Variants in ZNF521 observed in about 807,000 individuals in gnomAD.
ZNF521 encodes LYST-interacting protein 3.
ZNF521 carries 14 observed loss-of-function variants against 105.5 expected under a neutral mutation model. The ratio of observed to expected loss-of-function variants is 0.13; its 90% CI spans 0.09 to 0.21. ZNF521 has a LOEUF of 0.21. Among genes scored for constraint, ZNF521 ranks in the 10% least tolerant of loss-of-function variants. The pLI is 1.00. For missense variants in ZNF521, 1,233 were observed against 1,629.7 expected, an observed-to-expected ratio of 0.76 and a Z score of 4.19; for synonymous variants, 635 against 606.0, an observed-to-expected ratio of 1.05 and a Z score of -0.70.
chr18:25,086,409 A>C (rs2033624124), intron 7 of ZNF521, among the ~76,000 whole-genome samples: 1 of 152,164 alleles, frequency 6.6e-6, no homozygotes, highest in Non-Finnish European at 1.5e-5. Flanking sequence ...TGAATGCCAA[A>C]AGTTAAAATA....
chr18:25,123,197 C>T (rs9955601), intron 5 of ZNF521, among the ~76,000 whole-genome samples: 13 of 151,604 alleles, frequency 8.6e-5, no homozygotes, highest in African/African-American at 3.2e-4. Context: ...GTAAGAGAAG[C>T]AAACACTGTT....
intron 3 of ZNF521, among the ~76,000 whole-genome samples, chr18:25,307,620 G>T (rs907006890): frequency 3.3e-5 from 5 of 152,102 alleles, no homozygotes; most frequent in Non-Finnish European, 7.4e-5. Context: ...CTACCTCCTG[G>T]TATTCACGCC....
intron 7 of ZNF521, chr18:25,082,691 A>T (rs950369903): frequency 2.4e-6 from 1 of 416,674 alleles, no homozygotes; most frequent in African/African-American, 2.1e-5. Flanking sequence ...ACACACAAAA[A>T]ATTAGCTGGG....
chr18:25,338,259 T>G (rs919677119), intron 2 of ZNF521, among the ~76,000 whole-genome samples: 5 of 136,596 alleles, frequency 3.7e-5, no homozygotes, highest in South Asian at 2.6e-4. Flanking sequence ...TCATAGACTT[T>G]TGTGTGTGTG....
intron 5 of ZNF521, among the ~76,000 whole-genome samples, chr18:25,164,560 G>A (rs931034205): frequency 2.0e-5 from 3 of 152,198 alleles, no homozygotes; most frequent in East Asian, 3.8e-4. Context: ...AACTGCATGC[G>A]GGTATAGCAA....
chr18:25,140,733 T>C (rs1361436187), intron 5 of ZNF521, among the ~76,000 whole-genome samples: 1 of 151,948 alleles, frequency 6.6e-6, no homozygotes, highest in African/African-American at 2.4e-5. Context: ...CAAGGGAAAA[T>C]GGGAGAGGGA....
intron 5 of ZNF521, among the ~76,000 whole-genome samples, chr18:25,140,163 C>T (rs1286431325): frequency 2.1e-4 from 32 of 152,186 alleles, no homozygotes; most frequent in Non-Finnish European, 1.3e-4. Context: ...TTTGCTTCAT[C>T]AAATCACAAA....
chr18:25,088,382 AT>A (rs796191980), intron 7 of ZNF521, among the ~76,000 whole-genome samples: 11 of 148,042 alleles, frequency 7.4e-5, no homozygotes, highest in East Asian at 2.0e-4. Flanking sequence ...TGCCTGGCTA[AT>A]TTTTTTTTTG....
intron 5 of ZNF521, among the ~76,000 whole-genome samples, chr18:25,138,822 G>T (rs1431725973): frequency 6.6e-6 from 1 of 152,114 alleles, no homozygotes; most frequent in Non-Finnish European, 1.5e-5. Flanking sequence ...TTGGTGGCAG[G>T]AGCCTGGCCT....
At chr18:25,326,085 T>G (rs771104069) in intron 2 of ZNF521, among the ~76,000 whole-genome samples, 1 of 152,188 alleles carries the variant, frequency 6.6e-6, no homozygotes, top group Non-Finnish European at 1.5e-5. Context: ...GAAATTCTAT[T>G]CTGTCCATGT....
Position 25,062,435 on chromosome 18 carries a change from TA to T in ZNF521, c.*276del. 2.8e-6 allele frequency: 1 copy of T among 358,834 alleles called. No homozygotes were observed. The allele number at this position is 358,834 out of a possible 1,614,324, so 22.2% of individuals were successfully genotyped here. ...TTTGGTCATAGTCTTTTTTTTTTTTTAATCTTGCCTGAATAGGGCCCAAGTC... is the reference window on the plus strand; with the variant it reads ...TTTGGTCATAGTCTTTTTTTTTTTTTATCTTGCCTGAATAGGGCCCAAGTC... On this transcript the variant is annotated 3_prime_UTR_variant, in exon 8 of 8. Coordinates refer to ENST00000361524, the MANE Select transcript of ZNF521 (RefSeq NM_015461.3).
At chr18:25,167,759 C>T (rs373460889) in intron 5 of ZNF521, among the ~76,000 whole-genome samples, 13 of 152,112 alleles carry the variant, frequency 8.5e-5, no homozygotes, top group South Asian at 4.2e-4. Context: ...GGCTTTGTGC[C>T]CCATCTGTCA....
intron 5 of ZNF521, among the ~76,000 whole-genome samples, chr18:25,185,995 A>G (rs1329561474): frequency 6.6e-6 from 1 of 152,236 alleles, no homozygotes; most frequent in African/African-American, 2.4e-5. Context: ...CATAAAATGA[A>G]CTGAAATAAT....
At chr18:25,313,038 C>T (rs1327225040) in intron 3 of ZNF521, among the ~76,000 whole-genome samples, 1 of 152,042 alleles carries the variant, frequency 6.6e-6, no homozygotes, top group Non-Finnish European at 1.5e-5. Context: ...CTCTGAAATA[C>T]AGGGTACATT....
At chr18:25,297,734 T>G (rs766216680) in intron 3 of ZNF521, among the ~76,000 whole-genome samples, 79 of 152,074 alleles carry the variant, frequency 5.2e-4, no homozygotes, top group Non-Finnish European at 9.3e-4. Flanking sequence ...TAGAAAGAAA[T>G]AAACAGTTTC....
Position 25,062,258 on chromosome 18 carries a change from T to C in ZNF521, c.*454A>G, listed in dbSNP as rs1050526514. 4 of 224,840 alleles carry C rather than the reference T, an allele frequency of 1.8e-5. No individual in the cohort carries two copies. The highest frequency in any genetic ancestry group is 3.5e-5 in the Non-Finnish European group (4 of 114,294). 13.9% of individuals were successfully genotyped at this position (224,840 alleles called of 1,614,324 possible). ...ATCTCTTCATGGTTTGCAAGAATCT[T>C]CAGCAATAAAAAATAGTCTTGGATT... On this transcript the variant is annotated 3_prime_UTR_variant, in exon 8 of 8. Coordinates refer to ENST00000361524, the MANE Select transcript of ZNF521 (RefSeq NM_015461.3).
chr18:25,264,861 G>A lies in ZNF521; in HGVS notation c.221-37164C>T, dbSNP rs534379027. Among the ~76,000 whole-genome samples, 31 of 152,034 alleles carry A rather than the reference G, an allele frequency of 2.0e-4. No homozygotes were observed. In the South Asian group the frequency reaches 6.0e-3, roughly 29 times the overall value. ...AGAAAAAGCTTCAGGAAGGAGGAGA[G>A]GAAAATGTGGACACCATGAAAAGGA... is the stretch of plus-strand genomic sequence containing the variant. On this transcript the variant is annotated intron_variant, in intron 3 of 7. Transcript: ENST00000361524.
At position 25,089,583 on chromosome 18, in the gene ZNF521, G is replaced by A; in HGVS notation, c.3791-3C>T. On this transcript the variant is annotated splice_region_variant and splice_polypyrimidine_tract_variant and intron_variant, in intron 6 of 7. Coordinates refer to ENST00000361524, the MANE Select transcript of ZNF521 (RefSeq NM_015461.3). ...CAACTTGTTTGCTTGAACAAATACTGAAATGATAAAAGAATGATGAACTTG... is the reference window on the plus strand; with the variant it reads ...CAACTTGTTTGCTTGAACAAATACTAAAATGATAAAAGAATGATGAACTTG... The A allele has an allele frequency of 1.9e-6, 3 of 1,609,714 alleles. No homozygotes were observed. Among genetic ancestry groups the A allele is most frequent in the Non-Finnish European group, 2.6e-6 (3 of 1,176,012 alleles).
rs897407942 is a variant in ZNF521, at chr18:25,099,327, A to T, written c.3659-7246T>A. ...TTTTGCTCCGTTCCCTTGTGCATTA[A>T]ACCCTGTGCATATAACATAGCGGAC... is the stretch of plus-strand genomic sequence containing the variant. On this transcript the variant is annotated intron_variant, in intron 5 of 7. Transcript: ENST00000361524. Among the ~76,000 whole-genome samples the T allele has an allele frequency of 2.0e-5, 3 of 152,288 alleles. No individual in the cohort carries two copies. In the South Asian group the frequency reaches 6.2e-4, roughly 32 times the overall value.
Sources: gnomAD v4.1 joint callset for allele counts (sites outside exome capture counted in the v4.1 genomes callset) on GRCh38, gnomAD v4.1.1 for gene constraint, MANE v1.5 for transcripts, NCBI Gene and HGNC (gene_info 2026-07-23, HGNC 2026-07-21) for gene names.